NUP54: variants seen among roughly 807,000 people sequenced by gnomAD.
The protein encoded by NUP54 is nucleoporin 54.
NUP54 carries 27 observed loss-of-function variants against 66.4 expected under a neutral mutation model. The observed-to-expected ratio is 0.41, with a 90% confidence interval of 0.30 to 0.56. NUP54 has a LOEUF of 0.56. Among genes scored for constraint, NUP54 ranks in the 20% least tolerant of loss-of-function variants. The pLI, the probability that NUP54 is intolerant of heterozygous loss-of-function variation, is 0.34. For missense variants in NUP54, 486 were observed against 596.3 expected, an observed-to-expected ratio of 0.82 and a Z score of 1.93; for synonymous variants, 206 against 210.7, an observed-to-expected ratio of 0.98 and a Z score of 0.19.
chr4:76,141,723 G>C (rs1305104093), intron 3 of NUP54, among the ~76,000 whole-genome samples: 2 of 151,916 alleles, frequency 1.3e-5, no homozygotes, highest in African/African-American at 4.8e-5. Context: ...ATTTCTCTAA[G>C]AGATACTTCT....
chr4:76,130,994 C>T (rs1206050001), intron 7 of NUP54: 5 of 600,046 alleles, frequency 8.3e-6, no homozygotes, highest in East Asian at 2.8e-5. Flanking sequence ...TAGAATTTTC[C>T]GCTCCTAGTT....
At chr4:76,141,870 T>C (rs544158909) in intron 3 of NUP54, among the ~76,000 whole-genome samples, 1 of 150,628 alleles carries the variant, frequency 6.6e-6, no homozygotes, top group East Asian at 2.0e-4. Context: ...CTACTGACCC[T>C]GAGGTCATTT....
Position 76,132,524 on chromosome 4 carries a change from A to G in NUP54, c.906T>C (p.Ala302=). Residue 302 remains alanine, a splice_region_variant and synonymous_variant, in exon 6 of 12, where the codon GCT becomes GCC. Coordinates refer to ENST00000264883, the MANE Select transcript of NUP54 (RefSeq NM_017426.4). ...AACTCTGTGATTCTAGAAACATACC[A>G]GCAGGAGGATTCTGTAAAAGCTGTT... The part of the protein sequence containing the change: ...QIKQLLQNPP[A]GVDPIIWEQA... The G allele has an allele frequency of 6.3e-7, 1 of 1,583,614 alleles. No individual in the cohort carries two copies. The highest frequency in any genetic ancestry group is 8.6e-7 in the Non-Finnish European group (1 of 1,164,950).
At chr4:76,117,308 G>A (rs978863680) in intron 11 of NUP54, among the ~76,000 whole-genome samples, 2 of 151,822 alleles carry the variant, frequency 1.3e-5, no homozygotes, top group African/African-American at 4.8e-5. Context: ...ACTACATTTT[G>A]TTTCTCTATT....
At chr4:76,132,772 C>G (rs1730864299) in intron 5 of NUP54, 53 bp from the exon 6 acceptor site, 18 of 1,312,212 alleles carry the variant, frequency 1.4e-5, no homozygotes, top group Non-Finnish European at 1.9e-5. Context: ...CTCATAGCGA[C>G]AAACCTCAGC....
chr4:76,118,248 AAGT>A (rs1730044808), intron 9 of NUP54, 54 bp from the exon 10 acceptor site: 13 of 1,498,518 alleles, frequency 8.7e-6, no homozygotes, highest in South Asian at 7.9e-5. Flanking sequence ...TTAGTTATGC[AAGT>A]AGTAGTAGTA....
chr4:76,144,154 T>G lies in NUP54; in HGVS notation c.290A>C (p.Gln97Pro), dbSNP rs372782959. The G allele has an allele frequency of 6.2e-7, 1 of 1,607,108 alleles. No homozygotes were observed. Among genetic ancestry groups the G allele is most frequent in the African/African-American group, 1.3e-5 (1 of 74,516 alleles). ...GCTGAAAACCTCATACTTACTAGTT[T>G]GCTGCTGCTGCTGTGTATTAAATCC... is the stretch of plus-strand genomic sequence containing the variant. ...FGGFNTQQQQ[Q>P]TTLGGLFSQP... The change falls in exon 3 of 12, where the codon CAA (glutamine) becomes CCA (proline). Residue 97 changes from glutamine (Q) to proline (P), a missense_variant. Transcript: ENST00000264883.
chr4:76,148,334 G>C lies in NUP54; in HGVS notation c.41C>G (p.Thr14Ser), dbSNP rs1731605316. The C allele has an allele frequency of 6.5e-7, 1 of 1,543,792 alleles. No homozygotes were observed. ...CGCGGGGGCCGCGGTGGCTGCAGCG[G>C]TACCGGAGGTGCCCGAGGGAGCCCC... ...NFGAPSGTSGTAAATAAPAGG... is the reference protein window; with the variant it reads ...NFGAPSGTSGSAAATAAPAGG... Residue 14 changes from threonine to serine, a missense_variant, in exon 1 of 12, where the codon ACC becomes AGC. Coordinates refer to ENST00000264883, the MANE Select transcript of NUP54 (RefSeq NM_017426.4).
At chr4:76,125,097 C>A (rs1730410893) in intron 8 of NUP54, among the ~76,000 whole-genome samples, 1 of 151,792 alleles carries the variant, frequency 6.6e-6, no homozygotes, top group African/African-American at 2.4e-5. Flanking sequence ...CAAGACCAGC[C>A]TGGCCAACAT....
chr4:76,125,331 C>T (rs1226533185), intron 8 of NUP54, among the ~76,000 whole-genome samples: 6 of 138,322 alleles, frequency 4.3e-5, no homozygotes, highest in African/African-American at 7.9e-5. Context: ...CACACACACA[C>T]ACACACACAC....
chr4:76,132,616 T>C lies in NUP54; in HGVS notation c.814A>G (p.Thr272Ala). 6.2e-7 allele frequency: 1 copy of C among 1,614,120 alleles called. No homozygotes were observed. The highest frequency in any genetic ancestry group is 8.5e-7 in the Non-Finnish European group (1 of 1,180,000). The stretch of plus-strand genomic sequence containing the variant: ...GTTACACCAAGTTGCTGCAATTGTG[T>C]TTTTATATTGGCTTGTTCAAAATGG... ...YAHFEQANIK[T>A]QLQQLGVTLS... Residue 272 changes from threonine to alanine, a missense_variant, in exon 6 of 12, where the codon ACA (threonine) becomes GCA (alanine). By Grantham distance (58) the Thr-to-Ala change is moderately conservative. Transcript: ENST00000264883.
intron 3 of NUP54, among the ~76,000 whole-genome samples, chr4:76,139,861 C>T (rs1731189858): frequency 6.6e-6 from 1 of 152,092 alleles, no homozygotes; most frequent in Admixed American, 6.5e-5. Flanking sequence ...CACATCACTT[C>T]TTTTTTTCTT....
intron 1 of NUP54, 105 bp downstream of exon 1, chr4:76,148,203 G>T: frequency 1.1e-6 from 1 of 909,108 alleles, no homozygotes; most frequent in Non-Finnish European, 1.5e-6. Context: ...AAGTCTCCGC[G>T]TCGGCGGGAG....
At chr4:76,138,685 C>T (rs1045929852) in intron 3 of NUP54, among the ~76,000 whole-genome samples, 3 of 152,142 alleles carry the variant, frequency 2.0e-5, no homozygotes, top group African/African-American at 7.2e-5. Context: ...CAAGAGAAGA[C>T]AGTTCCATTA....
At chr4:76,121,365 G>C (rs1730227143) in intron 9 of NUP54, among the ~76,000 whole-genome samples, 1 of 152,156 alleles carries the variant, frequency 6.6e-6, no homozygotes, top group Non-Finnish European at 1.5e-5. Flanking sequence ...CTGAAATCTG[G>C]TAAAGAAGTC....
chr4:76,144,035 T>C, intron 3 of NUP54, 114 bp downstream of exon 3: 1 of 1,061,960 alleles, frequency 9.4e-7, no homozygotes, highest in Non-Finnish European at 1.4e-6. Context: ...CCTAATCCTT[T>C]GGAATATATT....
intron 1 of NUP54, chr4:76,147,332 T>C (rs555091101): frequency 5.9e-5 from 26 of 441,054 alleles, no homozygotes; most frequent in African/African-American, 5.1e-4. Context: ...AGTAAAAACT[T>C]GATACAGATG....
At chr4:76,121,440 C>T (rs1730230401) in intron 9 of NUP54, among the ~76,000 whole-genome samples, 1 of 152,140 alleles carries the variant, frequency 6.6e-6, no homozygotes, top group Non-Finnish European at 1.5e-5. Context: ...TCTTTATAAA[C>T]TTAAAGAAAT....
intron 5 of NUP54, 141 bp from the exon 6 acceptor site, chr4:76,132,860 CT>C (rs375936861): frequency 0.15 from 78,015 of 503,370 alleles, 63 homozygotes; most frequent in South Asian, 0.2. Context: ...AAAATGTTTC[CT>C]TTTTTTTTTT....
Sources: allele counts gnomAD v4.1 joint callset (sites outside exome capture counted in the v4.1 genomes callset), GRCh38; gene constraint gnomAD v4.1.1; transcripts MANE v1.5; gene names NCBI Gene and HGNC (gene_info 2026-07-23, HGNC 2026-07-21).